The following SLC1A3 variants were observed in gnomAD, a reference collection of about 807,000 sequenced individuals.
SLC1A3 encodes solute carrier family 1 member 3, also known as excitatory amino acid transporter 1.
A neutral mutation model predicts 48.1 loss-of-function variants in SLC1A3; 21 were observed. The observed-to-expected ratio is 0.44, with a 90% confidence interval of 0.31 to 0.63. SLC1A3 has a LOEUF of 0.63. Among genes scored for constraint, SLC1A3 ranks in the 20% least tolerant of loss-of-function variants. The pLI is 0.08. For synonymous variants in SLC1A3, 239 were observed against 251.4 expected (o/e 0.95, Z 0.47); for missense variants, 546 against 689.0 (o/e 0.79, Z 2.32).
intron 8 of SLC1A3, among the ~76,000 whole-genome samples, 199 bp downstream of exon 8, chr5:36,680,788 G>C (rs374779736): frequency 6.6e-6 from 1 of 152,022 alleles, no homozygotes; most frequent in South Asian, 2.1e-4. Context: ...CTGGTGGCAC[G>C]GGCCTGTGGT....
intron 3 of SLC1A3, among the ~76,000 whole-genome samples, chr5:36,632,770 G>A (rs1233815226): frequency 1.3e-5 from 2 of 152,146 alleles, no homozygotes; most frequent in Non-Finnish European, 2.9e-5. Context: ...TTGTACTAAA[G>A]CCACATTTAA....
chr5:36,602,807 A>G (rs1233464630), upstream of SLC1A3, among the ~76,000 whole-genome samples: 1 of 152,156 alleles, frequency 6.6e-6, no homozygotes, highest in Admixed American at 6.5e-5. Flanking sequence ...CTGAAACCCC[A>G]TCAGAGGTCA....
intron 3 of SLC1A3, among the ~76,000 whole-genome samples, chr5:36,658,309 T>A (rs550912452): frequency 1.1e-3 from 172 of 152,228 alleles, no homozygotes; most frequent in African/African-American, 4.0e-3. Context: ...AAGTCTGGGT[T>A]GCCTGGCAGA....
intron 3 of SLC1A3, among the ~76,000 whole-genome samples, chr5:36,665,800 C>T (rs1405379636): frequency 6.6e-6 from 1 of 152,174 alleles, no homozygotes; most frequent in Non-Finnish European, 1.5e-5. Context: ...GAACTCTTAA[C>T]CACTGTGCCA....
intron 3 of SLC1A3, among the ~76,000 whole-genome samples, chr5:36,634,119 T>C (rs1302947655): frequency 3.9e-5 from 6 of 151,960 alleles, no homozygotes; most frequent in Non-Finnish European, 8.8e-5. Flanking sequence ...CTACTAAAAA[T>C]ACAAAAATTA....
intron 1 of SLC1A3, 88 bp from the exon 2 acceptor site, chr5:36,608,241 A>G: frequency 1.7e-6 from 1 of 596,410 alleles, no homozygotes; most frequent in Non-Finnish European, 3.0e-6. Context: ...GAGATTATGC[A>G]ATTTGCCAAG....
intron 3 of SLC1A3, among the ~76,000 whole-genome samples, chr5:36,645,986 A>G (rs2111827421): frequency 6.6e-6 from 1 of 152,312 alleles, no homozygotes; most frequent in East Asian, 1.9e-4. Context: ...ATTGATATTG[A>G]TGTCTTCTTT....
In SLC1A3 at chr5:36,665,050, C is replaced by G. The variant is rs368976334; in HGVS notation, c.320-5979C>G. On this transcript the variant is annotated intron_variant, in intron 3 of 9. Transcript: ENST00000265113. The stretch of plus-strand genomic sequence containing the variant: ...GGGTGCCGCTGGGTTTGCATTGACA[C>G]TCTTTCCCCACAAGGTTTGTCTCTT... Among the ~76,000 whole-genome samples the G allele has an allele frequency of 2.6e-5, 4 of 152,260 alleles. No homozygotes were observed. In the East Asian group the frequency reaches 7.7e-4, roughly 29 times the overall value.
At chr5:36,623,862 CA>C (rs5867332) in intron 2 of SLC1A3, among the ~76,000 whole-genome samples, 85,793 of 113,760 alleles carry the variant, frequency 0.75, 31,241 homozygotes, top group East Asian at 0.86. Context: ...GACACCGTCT[CA>C]AAAAAAAAAA....
chr5:36,610,638 C>T (rs1009011472), intron 2 of SLC1A3, among the ~76,000 whole-genome samples: 1 of 152,092 alleles, frequency 6.6e-6, no homozygotes, highest in East Asian at 1.9e-4. Flanking sequence ...GCAATAACAT[C>T]TCTAATAAAA....
At chr5:36,684,116 C>A in intron 9 of SLC1A3, 118 bp downstream of exon 9, 2 of 1,306,908 alleles carry the variant, frequency 1.5e-6, no homozygotes, top group Non-Finnish European at 2.2e-6. Context: ...GGCCTCTCGG[C>A]CCATAGTTAA....
intron 1 of SLC1A3, among the ~76,000 whole-genome samples, chr5:36,598,947 A>G (rs1038233064): frequency 1.4e-4 from 22 of 152,214 alleles, no homozygotes; most frequent in African/African-American, 5.3e-4. Flanking sequence ...TTCAATATAT[A>G]TTATTTAACT....
chr5:36,619,690 A>G (rs974909865), intron 2 of SLC1A3, among the ~76,000 whole-genome samples: 1 of 152,258 alleles, frequency 6.6e-6, no homozygotes, highest in Non-Finnish European at 1.5e-5. Context: ...CATAAAAATC[A>G]TAAGTGTGAG....
At chr5:36,644,225 G>A (rs970198368) in intron 3 of SLC1A3, among the ~76,000 whole-genome samples, 1 of 151,936 alleles carries the variant, frequency 6.6e-6, no homozygotes, top group African/African-American at 2.4e-5. Flanking sequence ...TTTGTCTTAG[G>A]TGTGAGAGGA....
intron 1 of SLC1A3, among the ~76,000 whole-genome samples, chr5:36,607,637 C>T (rs1739007093): frequency 6.6e-6 from 1 of 152,094 alleles, no homozygotes; most frequent in Admixed American, 6.5e-5. Context: ...TTGTGATAAA[C>T]GAAGCTGAAT....
At chr5:36,611,918 A>G (rs1288815759) in intron 2 of SLC1A3, among the ~76,000 whole-genome samples, 1 of 152,246 alleles carries the variant, frequency 6.6e-6, no homozygotes, top group East Asian at 1.9e-4. Flanking sequence ...TCTCAGGCCA[A>G]ACAATATAAA....
intron 4 of SLC1A3, among the ~76,000 whole-genome samples, chr5:36,673,792 T>C (rs1050156697): frequency 3.3e-5 from 5 of 152,140 alleles, no homozygotes; most frequent in Non-Finnish European, 7.4e-5. Flanking sequence ...AATAATATAA[T>C]GGCTGAGTGA....
In SLC1A3 at chr5:36,632,693, T is replaced by A. The variant is rs142774671; in HGVS notation, c.319+3106T>A. Among the ~76,000 whole-genome samples, 430 of 152,338 alleles carry A rather than the reference T, an allele frequency of 2.8e-3. 4 individuals carry two copies. The highest frequency in any genetic ancestry group is 9.0e-3 in the African/African-American group (373 of 41,582). On this transcript the variant is annotated intron_variant, in intron 3 of 9. Transcript: ENST00000265113. ...AGACAGAAACTGAAATGCATAAAACTATTATTGTGTTTCTTGGACTAAGCT... is the reference window on the plus strand; with the variant it reads ...AGACAGAAACTGAAATGCATAAAACAATTATTGTGTTTCTTGGACTAAGCT...
chr5:36,626,754 A>G (rs560529569), intron 2 of SLC1A3, among the ~76,000 whole-genome samples: 6 of 152,380 alleles, frequency 3.9e-5, no homozygotes, highest in African/African-American at 1.2e-4. Flanking sequence ...GCAAGCAGGA[A>G]AAAGACAGAT....
Sources: gnomAD v4.1 joint callset for allele counts (sites outside exome capture counted in the v4.1 genomes callset) on GRCh38, gnomAD v4.1.1 for gene constraint, MANE v1.5 for transcripts, NCBI Gene and HGNC (gene_info 2026-07-23, HGNC 2026-07-21) for gene names.